The following HHAT variants were observed in gnomAD, a reference collection of about 807,000 sequenced individuals.
HHAT encodes hedgehog acyltransferase, also known as protein-cysteine N-palmitoyltransferase HHAT.
In HHAT, 47 loss-of-function variants were observed where a neutral mutation model predicts 70.8. That is an observed-to-expected ratio of 0.66 (90% CI 0.53 to 0.85). The LOEUF (loss-of-function observed/expected upper bound fraction) is 0.85, where lower values mean the gene tolerates loss of function less well. Ranked by LOEUF, HHAT falls within the 40% of genes least tolerant of loss-of-function variation. HHAT has a pLI of 0.00. For missense variants in HHAT, 609 were observed against 604.8 expected, an observed-to-expected ratio of 1.01 and a Z score of -0.07; for synonymous variants, 228 against 247.6, an observed-to-expected ratio of 0.92 and a Z score of 0.74.
At chr1:210,520,157 A>C (rs1404738774) in intron 9 of HHAT, among the ~76,000 whole-genome samples, 2 of 152,096 alleles carry the variant, frequency 1.3e-5, no homozygotes, top group Admixed American at 6.5e-5. Context: ...CTGGGATTAC[A>C]GGCACCCACC....
chr1:210,432,151 AG>A (rs1377224880), intron 7 of HHAT, among the ~76,000 whole-genome samples: 7 of 151,836 alleles, frequency 4.6e-5, no homozygotes, highest in Admixed American at 4.6e-4. Flanking sequence ...ACTGGAGCTC[AG>A]GAGTGAGATT....
chr1:210,546,288 C>G (rs1191226101), intron 9 of HHAT, among the ~76,000 whole-genome samples: 1 of 152,194 alleles, frequency 6.6e-6, no homozygotes, highest in Non-Finnish European at 1.5e-5. Context: ...TACCAGGAAT[C>G]TGAATAAAGT....
chr1:210,417,388 C>G (rs2092754482), intron 6 of HHAT, among the ~76,000 whole-genome samples: 1 of 152,088 alleles, frequency 6.6e-6, no homozygotes, highest in South Asian at 2.1e-4. Context: ...ATGTGCCACC[C>G]CATGCCCAGC....
chr1:210,554,418 T>C (rs1193925800), intron 9 of HHAT, among the ~76,000 whole-genome samples: 1 of 152,158 alleles, frequency 6.6e-6, no homozygotes, highest in Non-Finnish European at 1.5e-5. Flanking sequence ...TTTTGCCCTT[T>C]GGTGCTGGTC....
chr1:210,399,128 G>C (rs951630063), intron 4 of HHAT, among the ~76,000 whole-genome samples: 1 of 152,124 alleles, frequency 6.6e-6, no homozygotes, highest in African/African-American at 2.4e-5. Flanking sequence ...TTTTCAATTC[G>C]GTGGTTCCTG....
chr1:210,356,393 C>A (rs1439160307), intron 2 of HHAT, among the ~76,000 whole-genome samples: 1 of 150,336 alleles, frequency 6.7e-6, no homozygotes. Context: ...CTTTTTTTTT[C>A]ATTTTTTTAA....
intron 6 of HHAT, among the ~76,000 whole-genome samples, chr1:210,413,585 A>C (rs2092629122): frequency 6.6e-6 from 1 of 152,240 alleles, no homozygotes; most frequent in Non-Finnish European, 1.5e-5. Context: ...GCTTTAGCTA[A>C]ATATCCAATT....
intron 11 of HHAT, among the ~76,000 whole-genome samples, chr1:210,653,362 T>C (rs931643232): frequency 1.3e-5 from 2 of 151,764 alleles, no homozygotes; most frequent in African/African-American, 2.4e-5. Context: ...TGGCAAAAAA[T>C]CATACAAAAG....
At chr1:210,475,403 T>C (rs2094289393) in intron 8 of HHAT, among the ~76,000 whole-genome samples, 1 of 152,218 alleles carries the variant, frequency 6.6e-6, no homozygotes, top group African/African-American at 2.4e-5. Flanking sequence ...CTACATTTAT[T>C]GTGATATGAT....
chr1:210,526,394 A>G (rs1042766779), intron 9 of HHAT, among the ~76,000 whole-genome samples: 1 of 117,222 alleles, frequency 8.5e-6, no homozygotes. Flanking sequence ...TGAGATAACT[A>G]ATATACTTAC....
intron 7 of HHAT, among the ~76,000 whole-genome samples, chr1:210,423,749 C>T (rs1037081942): frequency 2.6e-5 from 4 of 152,156 alleles, no homozygotes; most frequent in African/African-American, 9.7e-5. Context: ...TTCCATTCTT[C>T]TGCATATGGG....
chr1:210,539,014 C>T (rs975891656), intron 9 of HHAT, among the ~76,000 whole-genome samples: 1 of 152,054 alleles, frequency 6.6e-6, no homozygotes, highest in African/African-American at 2.4e-5. Flanking sequence ...GAGGCAGAGG[C>T]TATAGTGAGC....
At chr1:210,630,485 A>G (rs1192312749) in intron 11 of HHAT, among the ~76,000 whole-genome samples, 1 of 152,212 alleles carries the variant, frequency 6.6e-6, no homozygotes, top group African/African-American at 2.4e-5. Flanking sequence ...AAAAGAAATA[A>G]TAATTAAATT....
chr1:210,459,702 T>G (rs2093940983), intron 7 of HHAT, among the ~76,000 whole-genome samples: 1 of 152,204 alleles, frequency 6.6e-6, no homozygotes, highest in Admixed American at 6.5e-5. Context: ...ATCTGCCACC[T>G]CAACAGTTCT....
intron 10 of HHAT, among the ~76,000 whole-genome samples, chr1:210,591,217 A>T (rs934801313): frequency 6.6e-6 from 1 of 152,018 alleles, no homozygotes; most frequent in Non-Finnish European, 1.5e-5. Flanking sequence ...CTACCCTTCC[A>T]AGCCTCTGGT....
At chr1:210,380,539 C>CA (rs1267161339) in intron 3 of HHAT, among the ~76,000 whole-genome samples, 1 of 151,634 alleles carries the variant, frequency 6.6e-6, no homozygotes, top group Non-Finnish European at 1.5e-5. Context: ...GACTCTGTCG[C>CA]AAAAAATAAA....
chr1:210,599,067 G>A (rs972098560), intron 10 of HHAT, among the ~76,000 whole-genome samples: 8 of 152,160 alleles, frequency 5.3e-5, no homozygotes, highest in East Asian at 3.9e-4. Flanking sequence ...CCCTCTGATC[G>A]TCTACAACAG....
At chr1:210,567,004 A>G (rs1298793084) in intron 9 of HHAT, among the ~76,000 whole-genome samples, 2 of 152,186 alleles carry the variant, frequency 1.3e-5, no homozygotes, top group African/African-American at 2.4e-5. Flanking sequence ...TGATGCTTCT[A>G]TGGGGCTGGA....
intron 9 of HHAT, among the ~76,000 whole-genome samples, chr1:210,536,379 C>G (rs559688180): frequency 6.6e-6 from 1 of 152,358 alleles, no homozygotes; most frequent in South Asian, 2.1e-4. Flanking sequence ...TTTGTCTGAA[C>G]AGAATGCAGC....
Sources: gnomAD v4.1 joint callset for allele counts (sites outside exome capture counted in the v4.1 genomes callset) on GRCh38, gnomAD v4.1.1 for gene constraint, MANE v1.5 for transcripts, NCBI Gene and HGNC (gene_info 2026-07-23, HGNC 2026-07-21) for gene names.